POC1A: variants seen among roughly 807,000 people sequenced by gnomAD.
POC1A encodes the protein POC1 centriolar protein homolog A.
A neutral mutation model predicts 47.8 loss-of-function variants in POC1A; 34 were observed. The ratio of observed to expected loss-of-function variants is 0.71; its 90% CI spans 0.54 to 0.95. The LOEUF (loss-of-function observed/expected upper bound fraction) is 0.95. Among genes scored for constraint, POC1A ranks in the 40% least tolerant of loss-of-function variants. POC1A has a pLI of 0.00. For missense variants in POC1A, 466 were observed against 528.3 expected, an observed-to-expected ratio of 0.88 and a Z score of 1.16; for synonymous variants, 177 against 207.6, an observed-to-expected ratio of 0.85 and a Z score of 1.27.
chr3:52,116,666 C>T (rs901820640), intron 9 of POC1A, among the ~76,000 whole-genome samples: 1 of 152,138 alleles, frequency 6.6e-6, no homozygotes, highest in African/African-American at 2.4e-5. Context: ...CCATTATTGC[C>T]CACTGTCCCT....
At chr3:52,149,744 G>T (rs1698489888) in intron 3 of POC1A, 72 bp downstream of exon 3, 1 of 1,455,186 alleles carries the variant, frequency 6.9e-7, no homozygotes, top group Admixed American at 1.8e-5. Flanking sequence ...CCAAGCTAGG[G>T]GACCTGGGTG....
At chr3:52,098,831 A>AATAGGTGTAACCTCACTTC (rs1285517349) in intron 9 of POC1A, among the ~76,000 whole-genome samples, 3 of 152,180 alleles carry the variant, frequency 2.0e-5, no homozygotes, top group Non-Finnish European at 2.9e-5. Context: ...CACCTCACTT[A>AATAGGTGTAACCTCACTTC]ATACGTGTAA....
Position 52,097,235 on chromosome 3 carries a change from A to AGT in POC1A, c.982-525_982-524dup, listed in dbSNP as rs1475309445. ...AAGCTGTGGCCCAGAACTTGGTGGA[A>AGT]GTGTGTGTGTGGCGGGGAGAGGGGT... is the stretch of plus-strand genomic sequence containing the variant. On this transcript the variant is annotated intron_variant, in intron 9 of 10. Coordinates refer to ENST00000296484, the MANE Select transcript of POC1A (RefSeq NM_015426.5). Among the ~76,000 whole-genome samples the AGT allele has an allele frequency of 4.6e-5, 7 of 152,278 alleles. No individual in the cohort carries two copies. In the South Asian group the frequency reaches 6.2e-4, roughly 14 times the overall value.
intron 9 of POC1A, among the ~76,000 whole-genome samples, chr3:52,097,171 G>A (rs1270484267): frequency 6.6e-6 from 1 of 152,244 alleles, no homozygotes; most frequent in African/African-American, 2.4e-5. Flanking sequence ...TCAACATGGG[G>A]GTGTGCCAGG....
chr3:52,102,655 G>C (rs1264883327), intron 9 of POC1A, among the ~76,000 whole-genome samples: 1 of 152,138 alleles, frequency 6.6e-6, no homozygotes, highest in African/African-American at 2.4e-5. Flanking sequence ...CTTTCAGGGA[G>C]GCTCCCATTC....
At chr3:52,081,675 C>A (rs981760680) in intron 10 of POC1A, among the ~76,000 whole-genome samples, 2 of 152,122 alleles carry the variant, frequency 1.3e-5, no homozygotes. Context: ...CTCTGCAAGT[C>A]ATGCCTAGCA....
At chr3:52,141,485 T>C (rs1698192610) in intron 6 of POC1A, among the ~76,000 whole-genome samples, 1 of 152,230 alleles carries the variant, frequency 6.6e-6, no homozygotes, top group Non-Finnish European at 1.5e-5. Context: ...CAAGAGGCTT[T>C]GGATTCATAC....
intron 7 of POC1A, among the ~76,000 whole-genome samples, chr3:52,133,011 A>T (rs1018137302): frequency 1.3e-5 from 2 of 151,668 alleles, no homozygotes; most frequent in East Asian, 3.9e-4. Flanking sequence ...ACGCCACTGC[A>T]CTCCAGCCTG....
In POC1A at chr3:52,084,713, C is replaced by T. The variant is rs1028724498; in HGVS notation, c.1126-8728G>A. Among the ~76,000 whole-genome samples, 4 of 152,236 alleles carry T rather than the reference C, an allele frequency of 2.6e-5. No individual in the cohort carries two copies. The highest frequency in any genetic ancestry group is 7.2e-5 in the African/African-American group (3 of 41,466). ...CTCTTCCCAGGGGCCTCCTGCTCAC[C>T]TTGGCCAGGGCCCTTCCCCATATCC... On this transcript the variant is annotated intron_variant, in intron 10 of 10. Coordinates refer to ENST00000296484, the MANE Select transcript of POC1A (RefSeq NM_015426.5). This position sits in a 1 kb window ranked among gnomAD's most constrained non-coding sequence, Gnocchi z 4.3.
At chr3:52,089,229 C>T (rs546758574) in intron 10 of POC1A, among the ~76,000 whole-genome samples, 180 of 152,066 alleles carry the variant, frequency 1.2e-3, no homozygotes, top group African/African-American at 3.7e-3. Context: ...TCCCCTGTCC[C>T]GCCACATTTG....
intron 10 of POC1A, among the ~76,000 whole-genome samples, chr3:52,080,632 T>C (rs1702250462): frequency 6.6e-6 from 1 of 152,186 alleles, no homozygotes; most frequent in South Asian, 2.1e-4. Context: ...CTCAATATTA[T>C]AGGAACCGAA....
chr3:52,154,349 G>T lies in POC1A; in HGVS notation c.18+6C>A. 1.3e-6 allele frequency: 2 copies of T among 1,552,068 alleles called. No homozygotes were observed. The highest frequency in any genetic ancestry group is 1.7e-6 in the Non-Finnish European group (2 of 1,153,872). On this transcript the variant is annotated splice_donor_region_variant and intron_variant, in intron 1 of 10. Coordinates refer to ENST00000296484, the MANE Select transcript of POC1A (RefSeq NM_015426.5). ...GGCCTGGGGAGTTGCTCTCGGCTGG[G>T]CTTACCGCGCAGGGCGCAGCCATGG...
chr3:52,075,866 TC>T lies in POC1A; in HGVS notation c.*20del, dbSNP rs767805239. ...CCTGCCACCTGCAAATCCACCGAGCTCCTGATTCCTGCTCCCCTGATCATGG... is the reference window on the plus strand; with the variant it reads ...CCTGCCACCTGCAAATCCACCGAGCTCTGATTCCTGCTCCCCTGATCATGG... On this transcript the variant is annotated 3_prime_UTR_variant, in exon 11 of 11. Coordinates refer to ENST00000296484, the MANE Select transcript of POC1A (RefSeq NM_015426.5). 6.3e-7 allele frequency: 1 copy of T among 1,579,992 alleles called. No individual in the cohort carries two copies. The highest frequency in any genetic ancestry group is 8.7e-7 in the Non-Finnish European group (1 of 1,149,198).
At chr3:52,109,895 GT>G (rs967417787) in intron 9 of POC1A, among the ~76,000 whole-genome samples, 20 of 152,138 alleles carry the variant, frequency 1.3e-4, no homozygotes, top group Admixed American at 6.5e-4. Context: ...ACCACAAAGG[GT>G]TTTTTTCCAT....
At chr3:52,121,199 C>T (rs1301393547) in intron 9 of POC1A, among the ~76,000 whole-genome samples, 1 of 152,170 alleles carries the variant, frequency 6.6e-6, no homozygotes, top group Non-Finnish European at 1.5e-5. Context: ...CCAGAAGTGC[C>T]TAATAGAGAG....
At chr3:52,121,669 T>A (rs1703786213) in intron 9 of POC1A, among the ~76,000 whole-genome samples, 1 of 152,120 alleles carries the variant, frequency 6.6e-6, no homozygotes, top group South Asian at 2.1e-4. Context: ...GAGGCCACAC[T>A]CTCTGTATGG....
chr3:52,152,712 G>A (rs1196008005), intron 1 of POC1A, among the ~76,000 whole-genome samples: 2 of 152,206 alleles, frequency 1.3e-5, no homozygotes, highest in East Asian at 1.9e-4. Context: ...GTACACAAAT[G>A]TTCAGAGCAG....
At chr3:52,144,992 G>A (rs772496248) in intron 6 of POC1A, among the ~76,000 whole-genome samples, 2 of 152,142 alleles carry the variant, frequency 1.3e-5, no homozygotes, top group South Asian at 2.1e-4. Flanking sequence ...TAACAACCAC[G>A]GTTCTTCAAA....
intron 9 of POC1A, among the ~76,000 whole-genome samples, chr3:52,121,252 TC>T (rs1411357813): frequency 6.6e-6 from 1 of 152,072 alleles, no homozygotes; most frequent in East Asian, 1.9e-4. Context: ...GTCTGCTGAG[TC>T]CCAGGGGGCC....
Sources: gnomAD v4.1 joint callset for allele counts (sites outside exome capture counted in the v4.1 genomes callset) on GRCh38, gnomAD v4.1.1 for gene constraint, Gnocchi (gnomAD v3.1) non-coding constraint, MANE v1.5 for transcripts, NCBI Gene and HGNC (gene_info 2026-07-23, HGNC 2026-07-21) for gene names.